ZNF518B: variants seen among roughly 807,000 people sequenced by gnomAD.
ZNF518B encodes zinc finger protein 518B.
ZNF518B carries 23 observed loss-of-function variants against 56.3 expected under a neutral mutation model. The ratio of observed to expected loss-of-function variants is 0.41; its 90% CI spans 0.29 to 0.58. The LOEUF (loss-of-function observed/expected upper bound fraction) is 0.58. ZNF518B is among the 20% of genes least tolerant of loss of function. ZNF518B has a pLI of 0.32. For synonymous variants in ZNF518B, 529 were observed against 465.9 expected, an observed-to-expected ratio of 1.14 and a Z score of -1.74; for missense variants, 1,460 against 1,272.1, an observed-to-expected ratio of 1.15 and a Z score of -2.25.
At chr4:10,455,778 T>C (rs139809565) in intron 1 of ZNF518B, among the ~76,000 whole-genome samples, 1 of 152,324 alleles carries the variant, frequency 6.6e-6, no homozygotes, top group East Asian at 1.9e-4. Context: ...CAAAAAAGTG[T>C]TATTTTTGAA....
chr4:10,459,575 G>T (rs1320948640), upstream of ZNF518B, among the ~76,000 whole-genome samples: 1 of 152,178 alleles, frequency 6.6e-6, no homozygotes, highest in Non-Finnish European at 1.5e-5. Context: ...GTAAGACAAG[G>T]TCATTAGGGT....
At chr4:10,452,946 C>G (rs979158653) in intron 2 of ZNF518B, 5 of 152,222 alleles carry the variant, frequency 3.3e-5, no homozygotes, top group Admixed American at 6.5e-5. Context: ...TGGACCAAGA[C>G]AGCTGCAGGA....
In ZNF518B at chr4:10,440,193, C is replaced by G. The variant is rs1714609741; in HGVS notation, c.*2911G>C. 1 of 152,154 alleles carries G rather than the reference C, an allele frequency of 6.6e-6. No individual in the cohort carries two copies. The highest frequency in any genetic ancestry group is 1.5e-5 in the Non-Finnish European group (1 of 68,024). The allele number at this position is 152,154 out of a possible 1,614,324, so 9.4% of individuals were successfully genotyped here. On this transcript the variant is annotated 3_prime_UTR_variant, in exon 3 of 3. Transcript: ENST00000326756. ...ATTTTGTTCAGTCTAGTTCAACAGACAGCAGGTGGCCCTTAATGAAGGCTT... is the reference window on the plus strand; with the variant it reads ...ATTTTGTTCAGTCTAGTTCAACAGAGAGCAGGTGGCCCTTAATGAAGGCTT...
chr4:10,445,495 TAAC>T lies in ZNF518B; in HGVS notation c.831_833del (p.Leu278del), dbSNP rs1367977724. On this transcript the variant is annotated inframe_deletion, in exon 3 of 3. Coordinates refer to ENST00000326756, the MANE Select transcript of ZNF518B (RefSeq NM_053042.3). ...CTTTTTGGTATTCCTTTGGTTCAGG[TAAC>T]AACATGATATTGTGCATTTTGTCTT... 3.7e-6 allele frequency: 6 copies of T among 1,614,098 alleles called. No individual in the cohort carries two copies. Among genetic ancestry groups the T allele is most frequent in the South Asian group, 1.1e-5 (1 of 91,090 alleles).
At position 10,445,281 on chromosome 4, in the gene ZNF518B, C is replaced by A. The variant is rs749933748; in HGVS notation, c.1048G>T (p.Val350Leu). 1 of 1,613,940 alleles carries A rather than the reference C, an allele frequency of 6.2e-7. No individual in the cohort carries two copies. Among genetic ancestry groups the A allele is most frequent in the Non-Finnish European group, 8.5e-7 (1 of 1,179,916 alleles). The stretch of plus-strand genomic sequence containing the variant: ...TGCTGTGTACCATTGACAACCTTCA[C>A]ATCTATCAACTGGGCTAAACAGTTT... ...PANCLAQLID[V>L]KVVNGTQQLV... The change falls in exon 3 of 3, where the codon GTG becomes TTG. Residue 350 changes from valine (V) to leucine (L), a missense_variant. By Grantham distance (32) the Val-to-Leu change is conservative. Transcript: ENST00000326756.
At position 10,445,413 on chromosome 4, in the gene ZNF518B, A is replaced by G. The variant is rs1386686712; in HGVS notation, c.916T>C (p.Phe306Leu). 1 of 1,614,236 alleles carries G rather than the reference A, an allele frequency of 6.2e-7. No homozygotes were observed. Among genetic ancestry groups the G allele is most frequent in the East Asian group, 2.2e-5 (1 of 44,892 alleles). ...TCTACTTCAACATTTTTGTTCTCAA[A>G]TAGGTTGACTTCATTTGGCTCAGAC... Reference protein sequence around the residue: ...TLSEPNEVNLFENKNVEVEVL... With the variant: ...TLSEPNEVNLLENKNVEVEVL... The change falls in exon 3 of 3, where the codon TTT (phenylalanine) becomes CTT (leucine). Residue 306 changes from phenylalanine to leucine, a missense_variant. Coordinates refer to ENST00000326756, the MANE Select transcript of ZNF518B (RefSeq NM_053042.3).
chr4:10,448,789 A>G (rs999544004), intron 2 of ZNF518B, among the ~76,000 whole-genome samples: 1 of 152,154 alleles, frequency 6.6e-6, no homozygotes, highest in Admixed American at 6.5e-5. Flanking sequence ...GGCCTTTTAC[A>G]TTACACTGCA....
chr4:10,444,381 T>C lies in ZNF518B; in HGVS notation c.1948A>G (p.Ile650Val). 2 of 1,614,228 alleles carry C rather than the reference T, an allele frequency of 1.2e-6. No homozygotes were observed. Among genetic ancestry groups the C allele is most frequent in the East Asian group, 2.2e-5 (1 of 44,884 alleles). Residue 650 changes from isoleucine to valine, a missense_variant, in exon 3 of 3, where the codon ATT becomes GTT. Ile to Val is a conservative substitution (Grantham distance 29). Transcript: ENST00000326756. ...SSGSENVPEG[I>V]KWNSSTSKIK... ...TTAGACGTTGAGCTATTCCACTTAA[T>C]GCCCTCGGGGACATTTTCAGATCCA...
rs761062140 is a variant in ZNF518B, at chr4:10,444,966, TGAAG to T, written c.1359_1362del (p.Phe454LeufsTer27). On this transcript the variant is annotated frameshift_variant, in exon 3 of 3. Transcript: ENST00000326756. LOFTEE classifies it high-confidence loss of function. ...AAATCCTCAATTGTTTCCGAATTAATGAAGGATTTTCCATTGTTGTGCACACTAG... is the reference window on the plus strand; with the variant it reads ...AAATCCTCAATTGTTTCCGAATTAATGATTTTCCATTGTTGTGCACACTAG... The T allele has an allele frequency of 6.2e-7, 1 of 1,612,698 alleles. No homozygotes were observed. Among genetic ancestry groups the T allele is most frequent in the Non-Finnish European group, 8.5e-7 (1 of 1,179,634 alleles).
At chr4:10,456,641 C>G (rs1715542808) in intron 1 of ZNF518B, among the ~76,000 whole-genome samples, 1 of 152,212 alleles carries the variant, frequency 6.6e-6, no homozygotes, top group African/African-American at 2.4e-5. Flanking sequence ...CCGAGGCGAG[C>G]GCGCCTGAGC....
rs141734077 is a variant in ZNF518B at position 10,448,182 on chromosome 4, A to G, written c.-211-1643T>C. On this transcript the variant is annotated intron_variant, in intron 2 of 2. Coordinates refer to ENST00000326756, the MANE Select transcript of ZNF518B (RefSeq NM_053042.3). Reference sequence around the variant, plus strand: ...ATGATTAGAATGCTAGAGTATAAGAACACTAGAGTATAAGAGAAGACTTTT... The same window carrying G: ...ATGATTAGAATGCTAGAGTATAAGAGCACTAGAGTATAAGAGAAGACTTTT... Among the ~76,000 whole-genome samples, 1,257 of 152,322 alleles carry G rather than the reference A, an allele frequency of 8.3e-3. 16 individuals carry two copies. The highest frequency in any genetic ancestry group is 0.029 in the African/African-American group (1,196 of 41,558).
chr4:10,443,757 G>C lies in ZNF518B; in HGVS notation c.2572C>G (p.His858Asp), dbSNP rs1714802178. The part of the protein sequence containing the change: ...RKESAVCSTI[H>D]RKTGLLYGQQ... ...CCATACAAGAGGCCAGTTTTTCTAT[G>C]GATGGTGCTACAGACAGCACTCTCT... Residue 858 changes from histidine (H) to aspartate (D), a missense_variant, in exon 3 of 3, where the codon CAT (histidine) becomes GAT (aspartate). Coordinates refer to ENST00000326756, the MANE Select transcript of ZNF518B (RefSeq NM_053042.3). 1 of 1,614,030 alleles carries C rather than the reference G, an allele frequency of 6.2e-7. No homozygotes were observed. The highest frequency in any genetic ancestry group is 8.5e-7 in the Non-Finnish European group (1 of 1,180,034).
rs767861993 is a variant in ZNF518B, at chr4:10,445,943, T to C, written c.386A>G (p.Asn129Ser). ...SSVNSKFKVR[N>S]FKPGKYYCDK... ...ACAATAGTATTTGCCTGGCTTAAAG[T>C]TCCTTACCTTAAATTTGCTATTGAC... Residue 129 changes from asparagine to serine, a missense_variant, in exon 3 of 3, where the codon AAC becomes AGC. Transcript: ENST00000326756. The C allele has an allele frequency of 3.7e-6, 6 of 1,614,104 alleles. No individual in the cohort carries two copies. In the East Asian group the frequency reaches 1.3e-4, roughly 36 times the overall value.
At chr4:10,450,286 T>C (rs73090004) in intron 2 of ZNF518B, among the ~76,000 whole-genome samples, 14,256 of 152,260 alleles carry the variant, frequency 0.094, 1,860 homozygotes, top group African/African-American at 0.29. Flanking sequence ...TGTTTGAAAG[T>C]ATCTTCTTGG....
chr4:10,460,806 G>A (rs1020766944), upstream of ZNF518B, among the ~76,000 whole-genome samples: 2 of 152,022 alleles, frequency 1.3e-5, no homozygotes, highest in African/African-American at 4.8e-5. Flanking sequence ...TATATGACTT[G>A]ACAAAAACAG....
At chr4:10,455,420 T>C (rs777559389) in intron 1 of ZNF518B, among the ~76,000 whole-genome samples, 1 of 152,200 alleles carries the variant, frequency 6.6e-6, no homozygotes, top group Non-Finnish European at 1.5e-5. Context: ...TTGTTTATCA[T>C]GATCAATAGC....
chr4:10,450,872 AAAG>A (rs1560174078), intron 2 of ZNF518B: 2 of 152,226 alleles, frequency 1.3e-5, no homozygotes, highest in Admixed American at 6.5e-5. Flanking sequence ...AAAACACAGA[AAAG>A]AATACCATTA....
At chr4:10,457,857 G>A (rs1287701043), upstream of ZNF518B, among the ~76,000 whole-genome samples, 1 of 152,166 alleles carries the variant, frequency 6.6e-6, no homozygotes, top group African/African-American at 2.4e-5. Context: ...TGAAGTCCTG[G>A]GTACAAATCC....
At position 10,443,715 on chromosome 4, in the gene ZNF518B, C is replaced by T. The variant is rs778636959; in HGVS notation, c.2614G>A (p.Glu872Lys). The T allele has an allele frequency of 1.8e-5, 29 of 1,614,134 alleles. No individual in the cohort carries two copies. The highest frequency in any genetic ancestry group is 2.3e-5 in the Non-Finnish European group (27 of 1,180,026). Reference sequence around the variant, plus strand: ...AGCAGTCTCCCTTGCTTATTTAATTCACTGCTTCCTTGCTGTCCATACAAG... The same window carrying T: ...AGCAGTCTCCCTTGCTTATTTAATTTACTGCTTCCTTGCTGTCCATACAAG... The part of the protein sequence containing the change: ...GLLYGQQGSS[E>K]LNKQGRLLSR... The change falls in exon 3 of 3, where the codon GAA (glutamate) becomes AAA (lysine). Residue 872 changes from glutamate to lysine, a missense_variant. Physicochemically the swap from Glu to Lys is moderately conservative, Grantham distance 56. Transcript: ENST00000326756.
Sources: gnomAD v4.1 joint callset for allele counts (sites outside exome capture counted in the v4.1 genomes callset) on GRCh38, gnomAD v4.1.1 for gene constraint, MANE v1.5 for transcripts, NCBI Gene and HGNC (gene_info 2026-07-23, HGNC 2026-07-21) for gene names.